Variants in LIPJ observed in about 807,000 individuals in gnomAD.
LIPJ encodes the protein lipase member J.
Under a neutral mutation model 39.8 loss-of-function variants are expected in LIPJ, and 33 were observed. The observed-to-expected ratio is 0.83, with a 90% confidence interval of 0.63 to 1.11. The LOEUF (loss-of-function observed/expected upper bound fraction) is 1.11. LIPJ is among the 50% of genes least tolerant of loss of function. The probability of loss-of-function intolerance (pLI) is 0.00; values close to 1 mark genes in which losing one functional copy is unlikely to be tolerated. For missense variants in LIPJ, 422 were observed against 427.9 expected (o/e 0.99, Z 0.12); for synonymous variants, 128 against 139.2 (o/e 0.92, Z 0.57).
intron 9 of LIPJ, among the ~76,000 whole-genome samples, chr10:88,605,051 G>A (rs1429790533): frequency 6.6e-6 from 1 of 152,160 alleles, no homozygotes; most frequent in African/African-American, 2.4e-5. Context: ...CTAAGTGAAG[G>A]AAAGATCTCA....
chr10:88,597,764 G>C (rs542702246), intron 8 of LIPJ, among the ~76,000 whole-genome samples: 3 of 151,988 alleles, frequency 2.0e-5, no homozygotes, highest in African/African-American at 7.2e-5. Flanking sequence ...ATATGAGAAG[G>C]CAGAAAGGAT....
exon 11 of LIPJ, chr10:88,606,933 G>T: frequency 1.4e-6 from 2 of 1,436,498 alleles, no homozygotes; most frequent in Non-Finnish European, 9.2e-7. Context: ...TGTGTTTAAA[G>T]ATCTACATCA....
exon 11 of LIPJ, chr10:88,606,872 C>T (rs1342305904): frequency 1.3e-6 from 2 of 1,587,160 alleles, no homozygotes; most frequent in Middle Eastern, 3.6e-4. Context: ...TCAAGTTTAC[C>T]ATGAAATCAT....
At chr10:88,594,019 C>A (rs761360353) in exon 5 of LIPJ, 2 of 1,612,320 alleles carry the variant, frequency 1.2e-6, no homozygotes, top group South Asian at 2.2e-5. Flanking sequence ...ATCTTCCCAA[C>A]AATAGTCTGG....
At chr10:88,616,175 A>C in the LIPJ span, among the ~76,000 whole-genome samples, 1 of 152,356 alleles carries the variant, frequency 6.6e-6, no homozygotes, top group East Asian at 1.9e-4. Context: ...AAACATAGAC[A>C]AATCTCCAGC....
chr10:88,616,328 A>G, the LIPJ span, among the ~76,000 whole-genome samples: 1 of 152,180 alleles, frequency 6.6e-6, no homozygotes, highest in Non-Finnish European at 1.5e-5. Flanking sequence ...AGCAGTTAGA[A>G]CAAGCCCTTC....
upstream of LIPJ, chr10:88,583,075 G>T (rs775070673): frequency 6.2e-7 from 1 of 1,611,310 alleles, no homozygotes; most frequent in Non-Finnish European, 8.5e-7. Context: ...CAACCCACCT[G>T]AGTCCTCAGC....
intron 8 of LIPJ, among the ~76,000 whole-genome samples, chr10:88,601,646 G>A (rs1379554595): frequency 6.6e-6 from 1 of 152,144 alleles, no homozygotes; most frequent in Non-Finnish European, 1.5e-5. Context: ...TTCTCTTAAG[G>A]TTCCTGTCCT....
chr10:88,609,621 C>A (rs2134593118), downstream of LIPJ, among the ~76,000 whole-genome samples: 1 of 152,328 alleles, frequency 6.6e-6, no homozygotes, highest in South Asian at 2.1e-4. Context: ...GGAAACCCTA[C>A]CGGGTGCAGT....
intron 4 of LIPJ, chr10:88,592,394 C>A (rs1296112146): frequency 6.6e-6 from 1 of 151,862 alleles, no homozygotes; most frequent in Non-Finnish European, 1.5e-5. Context: ...CAGCAAGTGC[C>A]TTAGAGTGCT....
At position 88,594,836 on chromosome 10, in the gene LIPJ, A is replaced by G. The variant is rs749951404; in HGVS notation, c.439+60A>G. On this transcript the variant is annotated intron_variant, in intron 6 of 10. Transcript: ENST00000371939. ...ATTTCTTTTTTAAGGTTGTGCATAT[A>G]CTTCTTAAAGTTGTAGATAAGCTTC... The G allele has an allele frequency of 1.2e-5, 9 of 766,242 alleles. No homozygotes were observed. The Middle Eastern group carries it at 1.2e-3, about 104-fold the overall frequency. 47.5% of individuals were successfully genotyped at this position (766,242 alleles called of 1,614,324 possible).
At chr10:88,590,737 G>A in intron 3 of LIPJ, 41 bp downstream of exon 3, 1 of 1,510,280 alleles carries the variant, frequency 6.6e-7, no homozygotes, top group Non-Finnish European at 9.2e-7. Context: ...TGAAATAACA[G>A]AGAATGCTAC....
At chr10:88,616,385 C>T in the LIPJ span, among the ~76,000 whole-genome samples, 2 of 152,186 alleles carry the variant, frequency 1.3e-5, no homozygotes, top group Admixed American at 1.3e-4. Context: ...GAGGCTGATC[C>T]CCCAGGGCCG....
chr10:88,611,167 G>A (rs192312344), downstream of LIPJ, among the ~76,000 whole-genome samples: 323 of 152,206 alleles, frequency 2.1e-3, no homozygotes, highest in Non-Finnish European at 2.6e-3. Flanking sequence ...GAGCAAAAAC[G>A]ATCATTACAG....
At chr10:88,617,869 A>G in the LIPJ span, among the ~76,000 whole-genome samples, 1 of 152,222 alleles carries the variant, frequency 6.6e-6, no homozygotes, top group Non-Finnish European at 1.5e-5. Flanking sequence ...TTAAGCAACA[A>G]AATTACTCTC....
rs372295413 is a variant in LIPJ at position 88,594,665 on chromosome 10, A to T, written c.330-2A>T. On this transcript the variant is annotated splice_acceptor_variant, in intron 5 of 10. Coordinates refer to ENST00000371939, the Ensembl canonical transcript of LIPJ. LOFTEE classifies it high-confidence loss of function. ...ATTTTTATTTTCCTCTTTCTTTTGTAGTTTTGATGAGATGGCAAAATATGA... is the reference window on the plus strand; with the variant it reads ...ATTTTTATTTTCCTCTTTCTTTTGTTGTTTTGATGAGATGGCAAAATATGA... 5 of 1,430,998 alleles carry T rather than the reference A, an allele frequency of 3.5e-6. No homozygotes were observed. Among genetic ancestry groups the T allele is most frequent in the Non-Finnish European group, 4.7e-6 (5 of 1,054,712 alleles). 88.6% of individuals were successfully genotyped at this position (1,430,998 alleles called of 1,614,324 possible). A position where few individuals can be genotyped will look rare whatever the true frequency, so the allele number is the denominator to read the frequency against.
intron 6 of LIPJ, among the ~76,000 whole-genome samples, chr10:88,595,034 T>A (rs946884533): frequency 6.6e-6 from 1 of 151,808 alleles, no homozygotes; most frequent in Non-Finnish European, 1.5e-5. Flanking sequence ...AAGTTGGATA[T>A]CTATGTTATT....
At chr10:88,599,905 G>A (rs1489105828) in intron 8 of LIPJ, among the ~76,000 whole-genome samples, 1 of 151,610 alleles carries the variant, frequency 6.6e-6, no homozygotes, top group Non-Finnish European at 1.5e-5. Context: ...TAATTATTAA[G>A]ATTAGATTTA....
In LIPJ at chr10:88,591,445, T is replaced by G. The variant is rs147165540; in HGVS notation, c.77T>G (p.Ile26Ser). The G allele has an allele frequency of 3.1e-3, 5,006 of 1,599,916 alleles. 10 individuals carry two copies. Among genetic ancestry groups the G allele is most frequent in the Non-Finnish European group, 3.5e-3 (4,131 of 1,169,102 alleles). ...GATATTGTAACCGAAGATGGTTATA[T>G]CCTTGGCCTTTATAGAATTCCTTAT... The change falls in exon 4 of 11, where the codon ATC (isoleucine) becomes AGC (serine). Residue 26 changes from isoleucine (I) to serine (S), a missense_variant. Ile to Ser is a moderately radical substitution (Grantham distance 142, BLOSUM62 -2). Coordinates refer to ENST00000371939, the Ensembl canonical transcript of LIPJ.
Sources: gnomAD v4.1 joint callset for allele counts (sites outside exome capture counted in the v4.1 genomes callset) on GRCh38, gnomAD v4.1.1 for gene constraint, MANE v1.5 for transcripts, NCBI Gene and HGNC (gene_info 2026-07-23, HGNC 2026-07-21) for gene names.